CAP2: variants seen among roughly 807,000 people sequenced by gnomAD.
The protein encoded by CAP2 is adenylyl cyclase-associated protein 2.
Under a neutral mutation model 57.7 loss-of-function variants are expected in CAP2, and 24 were observed. That is an observed-to-expected ratio of 0.42 (90% confidence interval 0.30 to 0.58). The LOEUF is 0.58. CAP2 is among the 20% of genes least tolerant of loss of function. The pLI, the probability that CAP2 is intolerant of heterozygous loss-of-function variation, is 0.22. For missense variants in CAP2, 501 were observed against 590.3 expected, an observed-to-expected ratio of 0.85 and a Z score of 1.57; for synonymous variants, 194 against 207.2, an observed-to-expected ratio of 0.94 and a Z score of 0.55.
intron 1 of CAP2, among the ~76,000 whole-genome samples, chr6:17,406,511 A>G (rs547612742): frequency 3.9e-4 from 59 of 151,342 alleles, no homozygotes; most frequent in African/African-American, 1.4e-3. Context: ...CTCCTGCCTC[A>G]GCCTCCTGCA....
At chr6:17,501,095 T>G (rs947446396) in intron 4 of CAP2, among the ~76,000 whole-genome samples, 1 of 152,352 alleles carries the variant, frequency 6.6e-6, no homozygotes, top group East Asian at 1.9e-4. Context: ...TCATTCTTTC[T>G]CAAATGATAG....
intron 1 of CAP2, among the ~76,000 whole-genome samples, chr6:17,403,101 A>T (rs1355052590): frequency 6.6e-6 from 1 of 152,078 alleles, no homozygotes; most frequent in Middle Eastern, 3.2e-3. Flanking sequence ...TTTTTATTTT[A>T]TTATTATTAT....
intron 3 of CAP2, among the ~76,000 whole-genome samples, chr6:17,462,125 C>G (rs1389230566): frequency 6.6e-6 from 1 of 151,730 alleles, no homozygotes; most frequent in African/African-American, 2.4e-5. Context: ...GTGTTTGAGG[C>G]CATTCCTGCT....
At chr6:17,432,131 A>G (rs1037305120) in intron 3 of CAP2, among the ~76,000 whole-genome samples, 1 of 152,172 alleles carries the variant, frequency 6.6e-6, no homozygotes, top group Non-Finnish European at 1.5e-5. Flanking sequence ...TTATCTCTGA[A>G]ACATATAATA....
chr6:17,539,594 G>A, intron 8 of CAP2, 136 bp downstream of exon 8: 1 of 685,444 alleles, frequency 1.5e-6, no homozygotes, highest in East Asian at 2.7e-5. Context: ...GGGAACTGGT[G>A]CTGGGAAGAC....
chr6:17,419,984 G>T (rs1283231096), intron 1 of CAP2, among the ~76,000 whole-genome samples: 1 of 152,170 alleles, frequency 6.6e-6, no homozygotes, highest in Non-Finnish European at 1.5e-5. Context: ...TGATTCTACT[G>T]CTTCAGCCTC....
intron 12 of CAP2, among the ~76,000 whole-genome samples, chr6:17,556,023 T>A (rs544267444): frequency 6.6e-6 from 1 of 152,244 alleles, no homozygotes; most frequent in Non-Finnish European, 1.5e-5. Flanking sequence ...CTCTGTTTCC[T>A]ACAGATGGCA....
intron 1 of CAP2, among the ~76,000 whole-genome samples, chr6:17,394,597 A>G (rs1403982856): frequency 1.3e-5 from 2 of 152,206 alleles, no homozygotes; most frequent in African/African-American, 4.8e-5. Flanking sequence ...AAAAACATCT[A>G]GGACCTTTGG....
chr6:17,448,342 G>A, intron 3 of CAP2, among the ~76,000 whole-genome samples: 1 of 152,198 alleles, frequency 6.6e-6, no homozygotes. Context: ...GATTCCTTAA[G>A]TGATAGAAAA....
chr6:17,395,457 A>G (rs1758641796), intron 1 of CAP2, among the ~76,000 whole-genome samples: 1 of 152,068 alleles, frequency 6.6e-6, no homozygotes, highest in Admixed American at 6.6e-5. Flanking sequence ...TTGAGGGAGG[A>G]GCAGAAAACA....
chr6:17,456,273 G>C (rs1409094436), intron 3 of CAP2, among the ~76,000 whole-genome samples: 1 of 152,172 alleles, frequency 6.6e-6, no homozygotes, highest in Non-Finnish European at 1.5e-5. Flanking sequence ...CTTCTGCGAG[G>C]TGCATAATAT....
intron 4 of CAP2, among the ~76,000 whole-genome samples, chr6:17,491,335 G>T (rs191418638): frequency 6.6e-6 from 1 of 152,120 alleles, no homozygotes; most frequent in Admixed American, 6.5e-5. Flanking sequence ...ACCGCATATC[G>T]TGGGCACCAT....
At chr6:17,408,551 C>T (rs181735357) in intron 1 of CAP2, among the ~76,000 whole-genome samples, 188 of 152,074 alleles carry the variant, frequency 1.2e-3, no homozygotes, top group African/African-American at 4.2e-3. Flanking sequence ...GACCATAGCA[C>T]TCATCATTCC....
chr6:17,452,561 G>A (rs1287101413), intron 3 of CAP2, among the ~76,000 whole-genome samples: 1 of 152,174 alleles, frequency 6.6e-6, no homozygotes, highest in African/African-American at 2.4e-5. Flanking sequence ...CAGTTTGGAT[G>A]TTGGTTTAAT....
intron 3 of CAP2, among the ~76,000 whole-genome samples, chr6:17,446,590 G>T (rs1229457817): frequency 2.0e-5 from 3 of 152,220 alleles, no homozygotes; most frequent in African/African-American, 7.2e-5. Context: ...ATTCTGGAGG[G>T]ATATTCATTG....
chr6:17,425,416 C>T (rs1181843810), intron 2 of CAP2, among the ~76,000 whole-genome samples: 1 of 152,178 alleles, frequency 6.6e-6, no homozygotes, highest in Non-Finnish European at 1.5e-5. Flanking sequence ...GTCCCCCCAC[C>T]CCCTGGGGAG....
At chr6:17,434,083 A>C (rs771753820) in intron 3 of CAP2, among the ~76,000 whole-genome samples, 2 of 152,180 alleles carry the variant, frequency 1.3e-5, no homozygotes, top group Admixed American at 6.5e-5. Flanking sequence ...AGATTCCATG[A>C]GTCTCTAAGG....
chr6:17,463,036 T>C lies in CAP2; in HGVS notation c.263T>C (p.Phe88Ser). 6.2e-7 allele frequency: 1 copy of C among 1,614,152 alleles called. No individual in the cohort carries two copies. The highest frequency in any genetic ancestry group is 8.5e-7 in the Non-Finnish European group (1 of 1,179,986). Residue 88 changes from phenylalanine (F) to serine (S), a missense_variant, in exon 4 of 13, where the codon TTC becomes TCC. Coordinates refer to ENST00000229922, the MANE Select transcript of CAP2 (RefSeq NM_006366.3). The stretch of plus-strand genomic sequence containing the variant: ...AGTGCTTTCCAGGCCCAGCGGGCTT[T>C]CCTTCTGATGGCCTCTCAGTACCAA... ...VHSAFQAQRAFLLMASQYQQP... is the reference protein window; with the variant it reads ...VHSAFQAQRASLLMASQYQQP...
chr6:17,413,838 G>A (rs1443672045), intron 1 of CAP2, among the ~76,000 whole-genome samples: 1 of 152,210 alleles, frequency 6.6e-6, no homozygotes, highest in Admixed American at 6.5e-5. Context: ...TGGATCACAT[G>A]AGGTCAGGAG....
Sources: gnomAD v4.1 joint callset for allele counts (sites outside exome capture counted in the v4.1 genomes callset) on GRCh38, gnomAD v4.1.1 for gene constraint, MANE v1.5 for transcripts, NCBI Gene and HGNC (gene_info 2026-07-23, HGNC 2026-07-21) for gene names.